GREB1L: variants seen among roughly 807,000 people sequenced by gnomAD.
The protein encoded by GREB1L is GREB1 like retinoic acid receptor coactivator, also known as GREB1-like protein.
A neutral mutation model predicts 200.8 loss-of-function variants in GREB1L; 17 were observed. That is an observed-to-expected ratio of 0.08 (90% CI 0.06 to 0.13). The LOEUF is 0.13. GREB1L is among the 10% of genes least tolerant of loss of function. The pLI is 1.00. For missense variants in GREB1L, 1,657 were observed against 2,367.7 expected (o/e 0.70, Z 6.23); for synonymous variants, 789 against 893.0 (o/e 0.88, Z 2.08).
intron 25 of GREB1L, 116 bp downstream of exon 25, chr18:21,506,065 A>C: frequency 9.0e-7 from 1 of 1,111,618 alleles, no homozygotes; most frequent in Non-Finnish European, 1.2e-6. Flanking sequence ...GGTAAAGGAT[A>C]GTTTACTCAT....
chr18:21,441,615 G>A (rs1489514373), intron 10 of GREB1L, 78 bp downstream of exon 10: 1 of 1,309,156 alleles, frequency 7.6e-7, no homozygotes, highest in Non-Finnish European at 1.0e-6. Context: ...GTTTTTTCAT[G>A]TATTCATGAA....
At position 21,496,658 on chromosome 18, in the gene GREB1L, G is replaced by A. The variant is rs544788518; in HGVS notation, c.3351G>A (p.Glu1117=). The change falls in exon 21 of 33, where the codon GAG becomes GAA. Residue 1117 remains glutamate (E), a synonymous_variant. Coordinates refer to ENST00000424526, the MANE Select transcript of GREB1L (RefSeq NM_001142966.3). ...CCGATGAGCTGCTCATCGACCTGGA[G>A]CGGCCCCAGAGCAACAGCAGCGCTG... ...NDSDELLIDL[E]RPQSNSSAVT... 1.3e-6 allele frequency: 2 copies of A among 1,551,662 alleles called. No homozygotes were observed. Among genetic ancestry groups the A allele is most frequent in the South Asian group, 1.2e-5 (1 of 84,060 alleles).
chr18:21,498,562 G>A (rs567269188), intron 21 of GREB1L, among the ~76,000 whole-genome samples: 8 of 152,258 alleles, frequency 5.3e-5, no homozygotes, highest in South Asian at 2.1e-4. Flanking sequence ...TGGTTCTTCC[G>A]TCCCACTCCT....
chr18:21,325,254 G>T (rs551771444), intron 1 of GREB1L, among the ~76,000 whole-genome samples: 2 of 152,288 alleles, frequency 1.3e-5, no homozygotes, highest in South Asian at 4.1e-4. Context: ...GAACCTTCTA[G>T]TCTGAAGCTT....
At chr18:21,406,898 G>A (rs1392477558) in intron 7 of GREB1L, among the ~76,000 whole-genome samples, 1 of 127,428 alleles carries the variant, frequency 7.8e-6, no homozygotes, top group Admixed American at 9.1e-5. Flanking sequence ...TTTTTGATAC[G>A]GAGTCTCACT....
intron 7 of GREB1L, among the ~76,000 whole-genome samples, chr18:21,435,868 T>C (rs539185942): frequency 6.6e-6 from 1 of 152,180 alleles, no homozygotes; most frequent in African/African-American, 2.4e-5. Flanking sequence ...TTGGCTGTAA[T>C]GCGTAAGAAG....
intron 17 of GREB1L, among the ~76,000 whole-genome samples, chr18:21,479,336 ATTTTCTCCT>A (rs1248239777): frequency 6.6e-6 from 1 of 152,150 alleles, no homozygotes; most frequent in Non-Finnish European, 1.5e-5. Context: ...TCTGCCCTTT[ATTTTCTCCT>A]ACCATGAAAT....
chr18:21,258,421 A>G (rs2037835555), intron 1 of GREB1L, among the ~76,000 whole-genome samples: 1 of 152,210 alleles, frequency 6.6e-6, no homozygotes, highest in Non-Finnish European at 1.5e-5. Context: ...ATATTTGTTA[A>G]TGACAAATAA....
intron 2 of GREB1L, among the ~76,000 whole-genome samples, chr18:21,374,992 C>G (rs1245411484): frequency 1.3e-5 from 2 of 151,542 alleles, no homozygotes; most frequent in Non-Finnish European, 2.9e-5. Context: ...GCTGAGACTA[C>G]AGGCACCTGC....
At chr18:21,421,278 C>G (rs1314541170) in intron 7 of GREB1L, among the ~76,000 whole-genome samples, 7 of 152,050 alleles carry the variant, frequency 4.6e-5, no homozygotes, top group African/African-American at 1.4e-4. Context: ...TCAATTATCC[C>G]TCAATAAAGC....
At chr18:21,488,881 T>C (rs1321481190) in intron 18 of GREB1L, among the ~76,000 whole-genome samples, 1 of 152,192 alleles carries the variant, frequency 6.6e-6, no homozygotes, top group African/African-American at 2.4e-5. Flanking sequence ...GGTCTCGAAC[T>C]CCTGATCTCA....
rs951354680 is a variant in GREB1L, at chr18:21,498,891, G to A, written c.3392-838G>A. On this transcript the variant is annotated intron_variant, in intron 21 of 32. Coordinates refer to ENST00000424526, the MANE Select transcript of GREB1L (RefSeq NM_001142966.3). ...TCAGGATCTCCCAAGGTTGGGATTCGACCTCCCTGTCTGGGCAGCAACAAG... is the reference window on the plus strand; with the variant it reads ...TCAGGATCTCCCAAGGTTGGGATTCAACCTCCCTGTCTGGGCAGCAACAAG... Among the ~76,000 whole-genome samples the A allele has an allele frequency of 7.2e-5, 11 of 152,296 alleles. No individual in the cohort carries two copies. In the South Asian group the frequency reaches 8.3e-4, roughly 11 times the overall value.
At chr18:21,451,948 G>C (rs1400506837) in intron 13 of GREB1L, 135 bp from the exon 14 acceptor site, 11 of 712,874 alleles carry the variant, frequency 1.5e-5, no homozygotes, top group East Asian at 2.7e-5. Flanking sequence ...AGATGGCCAA[G>C]TGTAAATGCT....
At chr18:21,444,518 T>C in intron 11 of GREB1L, 109 bp downstream of exon 11, 1 of 895,896 alleles carries the variant, frequency 1.1e-6, no homozygotes, top group Non-Finnish European at 1.7e-6. Flanking sequence ...TTTTCCCTCT[T>C]TCGCTTCTAA....
At chr18:21,427,349 C>G (rs2032695050) in intron 7 of GREB1L, among the ~76,000 whole-genome samples, 1 of 151,394 alleles carries the variant, frequency 6.6e-6, no homozygotes, top group Admixed American at 6.6e-5. Context: ...ACAAGAAATA[C>G]AAAAAATTAG....
rs1431144422 is a variant in GREB1L at position 21,500,083 on chromosome 18, A to C, written c.3746A>C (p.Lys1249Thr). ...YSLLGSQKSG[K>T]LPSSSSLLPH... Reference sequence around the variant, plus strand: ...CTCCTGGGCTCCCAGAAGAGTGGCAAGCTGCCATCCTCCTCCTCCCTGCTG... The same window carrying C: ...CTCCTGGGCTCCCAGAAGAGTGGCACGCTGCCATCCTCCTCCTCCCTGCTG... The change falls in exon 22 of 33, where the codon AAG becomes ACG. Residue 1249 changes from lysine (K) to threonine (T), a missense_variant. Physicochemically the swap from Lys to Thr is moderately conservative, Grantham distance 78 (BLOSUM62 -1). Coordinates refer to ENST00000424526, the MANE Select transcript of GREB1L (RefSeq NM_001142966.3). 12 of 1,551,566 alleles carry C rather than the reference A, an allele frequency of 7.7e-6. No individual in the cohort carries two copies. Among genetic ancestry groups the C allele is most frequent in the Non-Finnish European group, 1.0e-5 (12 of 1,147,004 alleles).
rs758599493 is a variant in GREB1L at position 21,508,375 on chromosome 18, C to G, written c.4531-12C>G. 13 of 1,549,878 alleles carry G rather than the reference C, an allele frequency of 8.4e-6. No homozygotes were observed. Among genetic ancestry groups the G allele is most frequent in the Non-Finnish European group, 1.0e-5 (12 of 1,146,436 alleles). ...ATTTCCCTTTATGGTCTGTTTTTTT[C>G]CCTTTCAGCAGAATTTGAATGCAGT... On this transcript the variant is annotated splice_polypyrimidine_tract_variant and intron_variant, in intron 26 of 32. Transcript: ENST00000424526.
intron 7 of GREB1L, among the ~76,000 whole-genome samples, chr18:21,425,834 TTG>T (rs2032525927): frequency 6.6e-6 from 1 of 152,180 alleles, no homozygotes; most frequent in South Asian, 2.1e-4. Flanking sequence ...ATTCTGTGGG[TTG>T]TCTTTTACTT....
At chr18:21,393,863 G>C (rs1458262296) in intron 4 of GREB1L, among the ~76,000 whole-genome samples, 1 of 152,118 alleles carries the variant, frequency 6.6e-6, no homozygotes, top group Non-Finnish European at 1.5e-5. Context: ...CGCCCGGCCT[G>C]AAATAGCATT....
Sources: allele counts gnomAD v4.1 joint callset (sites outside exome capture counted in the v4.1 genomes callset), GRCh38; gene constraint gnomAD v4.1.1; transcripts MANE v1.5; gene names NCBI Gene and HGNC (gene_info 2026-07-23, HGNC 2026-07-21).